Variants in CCDC18 observed in about 807,000 individuals in gnomAD.
CCDC18 encodes coiled-coil domain containing 18.
Under a neutral mutation model 196.0 loss-of-function variants are expected in CCDC18, and 157 were observed. The observed-to-expected ratio is 0.80, with a 90% CI of 0.70 to 0.91. CCDC18 has a LOEUF of 0.91. Ranked by LOEUF, CCDC18 falls within the 40% of genes least tolerant of loss-of-function variation. CCDC18 has a pLI of 0.00. For missense variants in CCDC18, 1,465 were observed against 1,611.6 expected, an observed-to-expected ratio of 0.91 and a Z score of 1.56; for synonymous variants, 482 against 529.2, an observed-to-expected ratio of 0.91 and a Z score of 1.22.
intron 12 of CCDC18, 129 bp downstream of exon 12, chr1:93,215,095 G>T: frequency 3.9e-6 from 2 of 516,348 alleles, no homozygotes; most frequent in Non-Finnish European, 6.7e-6. Context: ...TACCACATAA[G>T]TTATAAATTG....
intron 23 of CCDC18, among the ~76,000 whole-genome samples, chr1:93,250,664 T>C (rs693872): frequency 0.2 from 29,995 of 152,106 alleles, 3,398 homozygotes; most frequent in African/African-American, 0.3. Flanking sequence ...TGCATAGATA[T>C]TTATAATTTT....
intron 3 of CCDC18, among the ~76,000 whole-genome samples, chr1:93,184,882 T>C (rs1650360892): frequency 6.6e-6 from 1 of 152,024 alleles, no homozygotes. Flanking sequence ...TCAAATTCCA[T>C]GTTTACATGG....
At chr1:93,190,305 T>A (rs1651531123) in intron 4 of CCDC18, among the ~76,000 whole-genome samples, 1 of 152,122 alleles carries the variant, frequency 6.6e-6, no homozygotes, top group Non-Finnish European at 1.5e-5. Context: ...CTGGCCAACA[T>A]GGTGAAACCC....
intron 26 of CCDC18, among the ~76,000 whole-genome samples, chr1:93,263,303 C>T (rs568173489): frequency 6.6e-6 from 1 of 152,296 alleles, no homozygotes; most frequent in Non-Finnish European, 1.5e-5. Context: ...TTCTTTTCTA[C>T]CACATGGCCA....
In CCDC18 at chr1:93,270,715, T is replaced by C. The variant is rs1186202996; in HGVS notation, c.4254T>C (p.Asn1418=). 1.3e-6 allele frequency: 2 copies of C among 1,550,324 alleles called. No homozygotes were observed. The highest frequency in any genetic ancestry group is 1.7e-6 in the Non-Finnish European group (2 of 1,146,860). Residue 1418 remains asparagine (N), a synonymous_variant, in exon 28 of 29, where the codon AAT becomes AAC. Coordinates refer to ENST00000690025, the MANE Select transcript of CCDC18 (RefSeq NM_001378204.1). ...TYNLEADSSE[N]NDFNTLSGML... ...ACCTAGAAGCTGATAGTTCTGAGAA[T>C]AATGACTTTAACACGCTTAGTGGGA...
At chr1:93,187,884 G>A (rs993843999) in intron 4 of CCDC18, among the ~76,000 whole-genome samples, 2 of 151,984 alleles carry the variant, frequency 1.3e-5, no homozygotes, top group African/African-American at 2.4e-5. Context: ...TACCTTTTCA[G>A]TATTTCTTTG....
intron 16 of CCDC18, among the ~76,000 whole-genome samples, chr1:93,222,274 T>G (rs1245321964): frequency 6.6e-6 from 1 of 152,180 alleles, no homozygotes; most frequent in African/African-American, 2.4e-5. Flanking sequence ...TGTATTTTCT[T>G]TAGAGCGAAT....
intron 23 of CCDC18, among the ~76,000 whole-genome samples, chr1:93,252,252 G>C: frequency 6.6e-6 from 1 of 152,126 alleles, no homozygotes. Context: ...ATGTGACTCA[G>C]TCTGGTCTCA....
chr1:93,260,614 T>C (rs867810432), intron 26 of CCDC18, among the ~76,000 whole-genome samples: 6 of 152,150 alleles, frequency 3.9e-5, no homozygotes, highest in Middle Eastern at 6.8e-3. Context: ...GTTTTTTTTA[T>C]TATACTTTCT....
intron 27 of CCDC18, among the ~76,000 whole-genome samples, chr1:93,268,533 G>A (rs928303627): frequency 3.3e-5 from 5 of 151,806 alleles, no homozygotes; most frequent in African/African-American, 1.2e-4. Flanking sequence ...CTACTCATCT[G>A]ACAAAGGGCT....
intron 21 of CCDC18, among the ~76,000 whole-genome samples, chr1:93,243,308 T>C (rs946653593): frequency 1.3e-5 from 2 of 152,246 alleles, no homozygotes; most frequent in African/African-American, 4.8e-5. Flanking sequence ...GGCATGGGGC[T>C]TGCACCCTCT....
Position 93,221,949 on chromosome 1 carries a change from A to T in CCDC18, c.2175+13A>T, listed in dbSNP as rs367811258. The T allele has an allele frequency of 2.3e-4, 344 of 1,506,658 alleles. No homozygotes were observed. The highest frequency in any genetic ancestry group is 2.9e-4 in the Non-Finnish European group (321 of 1,110,160). 93.3% of individuals were successfully genotyped at this position (1,506,658 alleles called of 1,614,324 possible). A position where few individuals can be genotyped will look rare whatever the true frequency, so the allele number is the denominator to read the frequency against. On this transcript the variant is annotated intron_variant, in intron 16 of 28. Transcript: ENST00000690025. ...AGAAACAATCAAGGCTAGTATGCTA[A>T]TACTTTATTTTTCTTTCTTTCCTTT...
At chr1:93,268,286 T>G (rs928920219) in intron 27 of CCDC18, among the ~76,000 whole-genome samples, 3 of 152,218 alleles carry the variant, frequency 2.0e-5, no homozygotes, top group African/African-American at 7.2e-5. Context: ...CAAGATGGAT[T>G]AAAGACTTAA....
intron 3 of CCDC18, 48 bp downstream of exon 3, chr1:93,184,194 C>G: frequency 1.7e-6 from 2 of 1,168,066 alleles, no homozygotes; most frequent in South Asian, 2.9e-5. Flanking sequence ...TGGTTTTAGG[C>G]CTGTCTACTT....
upstream of CCDC18, chr1:93,180,186 C>G (rs767331245): frequency 3.1e-6 from 5 of 1,613,492 alleles, no homozygotes; most frequent in Non-Finnish European, 3.4e-6. Context: ...GCAGCAGCAC[C>G]GGAGGCAGAG....
rs1369997341 is a variant in CCDC18, at chr1:93,256,478, G to C, written c.3486G>C (p.Gln1162His). The C allele has an allele frequency of 3.7e-6, 6 of 1,614,058 alleles. No homozygotes were observed. The East Asian group carries it at 1.3e-4, about 36-fold the overall frequency. Residue 1162 changes from glutamine (Q) to histidine (H), a missense_variant, in exon 25 of 29, where the codon CAG becomes CAC. Physicochemically the swap from Gln to His is conservative, Grantham distance 24 (BLOSUM62 0). Transcript: ENST00000690025. ...AEARHQQVQA[Q>H]REIERLSSEL... Reference sequence around the variant, plus strand: ...CTCGTCATCAGCAAGTCCAAGCACAGAGAGAAATAGAAAGGCTCTCTAGTG... The same window carrying C: ...CTCGTCATCAGCAAGTCCAAGCACACAGAGAAATAGAAAGGCTCTCTAGTG...
chr1:93,264,983 G>C (rs750324491), intron 27 of CCDC18, 82 bp downstream of exon 27: 200 of 972,128 alleles, frequency 2.1e-4, no homozygotes, highest in Middle Eastern at 3.1e-4. Context: ...GTAGTTTATA[G>C]AGGACTATAT....
chr1:93,246,245 A>G (rs1661481016), intron 22 of CCDC18, 41 bp downstream of exon 22: 2 of 1,418,042 alleles, frequency 1.4e-6, no homozygotes, highest in African/African-American at 1.4e-5. Flanking sequence ...GTTTTCTGTT[A>G]TGACACAGTC....
At chr1:93,181,705 TCC>T (rs1438906007) in intron 1 of CCDC18, among the ~76,000 whole-genome samples, 4 of 151,994 alleles carry the variant, frequency 2.6e-5, no homozygotes, top group Non-Finnish European at 5.9e-5. Flanking sequence ...AACCTCCGCC[TCC>T]CAGGTTCAAG....
Sources: gnomAD v4.1 joint callset for allele counts (sites outside exome capture counted in the v4.1 genomes callset) on GRCh38, gnomAD v4.1.1 for gene constraint, MANE v1.5 for transcripts, NCBI Gene and HGNC (gene_info 2026-07-23, HGNC 2026-07-21) for gene names.